The following PSMA5 variants were observed in gnomAD, a reference collection of about 807,000 sequenced individuals.
The protein encoded by PSMA5 is proteasome subunit alpha type-5.
A neutral mutation model predicts 34.5 loss-of-function variants in PSMA5; 3 were observed. That is an observed-to-expected ratio of 0.09 (90% CI 0.04 to 0.22). PSMA5 has a LOEUF of 0.22. PSMA5 is among the 10% of genes least tolerant of loss of function. The pLI is 1.00. For missense variants in PSMA5, 120 were observed against 286.1 expected, an observed-to-expected ratio of 0.42 and a Z score of 4.19; for synonymous variants, 88 against 95.8, an observed-to-expected ratio of 0.92 and a Z score of 0.47.
chr1:109,404,169 C>T (rs1031183819), intron 8 of PSMA5, among the ~76,000 whole-genome samples: 2 of 151,968 alleles, frequency 1.3e-5, no homozygotes, highest in African/African-American at 2.4e-5. Context: ...ACTAAAAATA[C>T]AATAATTAGT....
At chr1:109,419,748 G>C (rs1309375682) in intron 2 of PSMA5, among the ~76,000 whole-genome samples, 1 of 145,898 alleles carries the variant, frequency 6.9e-6, no homozygotes, top group Non-Finnish European at 1.5e-5. Context: ...GCAGTGGGCT[G>C]AGATAGCGCC....
intron 2 of PSMA5, among the ~76,000 whole-genome samples, chr1:109,418,737 G>C (rs1415397869): frequency 6.6e-6 from 1 of 152,076 alleles, no homozygotes; most frequent in South Asian, 2.1e-4. Context: ...GAGCAACAAT[G>C]TCCACAAGGA....
Position 109,401,047 on chromosome 1 carries a change from C to G in PSMA5, c.*966G>C, listed in dbSNP as rs996611799. ...ATTCTTCATCTGTTAAGTAGTGATA[C>G]TGATACCATCTTCCCGTGGTAATTT... On this transcript the variant is annotated 3_prime_UTR_variant, in exon 9 of 9. Transcript: ENST00000271308. 6.6e-6 allele frequency: 1 copy of G among 152,152 alleles called. No individual in the cohort carries two copies. Among genetic ancestry groups the G allele is most frequent in the African/African-American group, 2.4e-5 (1 of 41,438 alleles). 9.4% of individuals were successfully genotyped at this position (152,152 alleles called of 1,614,324 possible).
rs188975586 is a variant in PSMA5, at chr1:109,413,020, A to G, written c.291+48T>C. 4.1e-5 allele frequency: 62 copies of G among 1,507,126 alleles called. No individual in the cohort carries two copies. In the African/African-American group the frequency reaches 7.8e-4, roughly 19 times the overall value. The allele number at this position is 1,507,126 out of a possible 1,614,324, so 93.4% of individuals were successfully genotyped here. On this transcript the variant is annotated intron_variant, in intron 4 of 8. Transcript: ENST00000271308. Reference sequence around the variant, plus strand: ...GCCCAGGCAGCTAGATAATCACTAAACAAGGAACTCAAGCATCCTGGTAAA... The same window carrying G: ...GCCCAGGCAGCTAGATAATCACTAAGCAAGGAACTCAAGCATCCTGGTAAA...
At position 109,415,297 on chromosome 1, in the gene PSMA5, T is replaced by C; in HGVS notation, c.163A>G (p.Thr55Ala). The change falls in exon 3 of 9, where the codon ACT becomes GCT. Residue 55 changes from threonine to alanine, a missense_variant. By Grantham distance (58) the Thr-to-Ala change is moderately conservative (BLOSUM62 0). Around this residue, in one of 3 missense-constraint regions of PSMA5, gnomAD observed 20 missense variants for 19.4 expected, o/e 1.03. Coordinates refer to ENST00000271308, the MANE Select transcript of PSMA5 (RefSeq NM_002790.4). ...CTGCTGGGCTCCATCAGTGGGGAAG[T>C]AATTCTCTTCTCCACAGCTAGGCAC... is the stretch of plus-strand genomic sequence containing the variant. The part of the protein sequence containing the change: ...GVCLAVEKRI[T>A]SPLMEPSSIE... 6.2e-7 allele frequency: 1 copy of C among 1,613,964 alleles called. No homozygotes were observed. Among genetic ancestry groups the C allele is most frequent in the Non-Finnish European group, 8.5e-7 (1 of 1,179,854 alleles).
intron 5 of PSMA5, 35 bp from the exon 6 acceptor site, chr1:109,411,970 G>T: frequency 6.3e-7 from 1 of 1,595,218 alleles, no homozygotes; most frequent in Non-Finnish European, 8.6e-7. Context: ...TAAGATAAAT[G>T]GCTATAAAGT....
At chr1:109,403,490 G>C (rs1329844987) in intron 8 of PSMA5, among the ~76,000 whole-genome samples, 2 of 151,652 alleles carry the variant, frequency 1.3e-5, no homozygotes, top group East Asian at 1.9e-4. Flanking sequence ...AAACTAGCAG[G>C]GGGTGTAGCA....
chr1:109,409,860 G>C, intron 8 of PSMA5, 68 bp downstream of exon 8: 1 of 1,127,594 alleles, frequency 8.9e-7, no homozygotes. Flanking sequence ...ACCAGTCTAG[G>C]CAATATAGCC....
intron 2 of PSMA5, among the ~76,000 whole-genome samples, chr1:109,418,488 T>A (rs980907368): frequency 1.1e-4 from 16 of 152,194 alleles, no homozygotes; most frequent in Non-Finnish European, 2.2e-4. Context: ...ACTAATTTTT[T>A]AAATTTTTTG....
intron 3 of PSMA5, 58 bp from the exon 4 acceptor site, chr1:109,413,193 C>T: frequency 6.6e-7 from 1 of 1,513,646 alleles, no homozygotes; most frequent in East Asian, 2.3e-5. Flanking sequence ...CTCTTTCATC[C>T]ACTCAGGAAA....
chr1:109,407,393 CTCCCAAATG>C (rs1406069422), intron 8 of PSMA5, among the ~76,000 whole-genome samples: 1 of 152,178 alleles, frequency 6.6e-6, no homozygotes, highest in Non-Finnish European at 1.5e-5. Flanking sequence ...AGCGCAGTGG[CTCCCAAATG>C]TCAGTCCTTC....
rs772077978 is a variant in PSMA5 at position 109,413,089 on chromosome 1, A to T, written c.270T>A (p.Asp90Glu). The change falls in exon 4 of 9, where the codon GAT (aspartate) becomes GAA (glutamate). Residue 90 changes from aspartate (D) to glutamate (E), a missense_variant. Physicochemically the swap from Asp to Glu is conservative, Grantham distance 45. This residue lies in a region of PSMA5 where 83 missense variants were observed against 203.2 expected (regional missense o/e 0.41). Coordinates refer to ENST00000271308, the MANE Select transcript of PSMA5 (RefSeq NM_002790.4). Reference protein sequence around the residue: ...GLIADAKTLIDKARVETQNHW... With the variant: ...GLIADAKTLIEKARVETQNHW... ...TTACCTGTGTCTCCACTCTGGCTTT[A>T]TCAATTAAAGTCTTAGCATCAGCAA... 6.2e-7 allele frequency: 1 copy of T among 1,613,950 alleles called. No homozygotes were observed. The highest frequency in any genetic ancestry group is 1.1e-5 in the South Asian group (1 of 91,068).
At chr1:109,409,332 T>C (rs1274186869) in intron 8 of PSMA5, among the ~76,000 whole-genome samples, 1 of 152,176 alleles carries the variant, frequency 6.6e-6, no homozygotes, top group African/African-American at 2.4e-5. Context: ...AGTATTTGTA[T>C]TTTTGGTAGA....
chr1:109,413,739 A>T (rs1263352229), intron 3 of PSMA5, among the ~76,000 whole-genome samples: 1 of 152,176 alleles, frequency 6.6e-6, no homozygotes, highest in Admixed American at 6.5e-5. Context: ...CTTCCTTAAT[A>T]TATCTACTTG....
At chr1:109,407,366 T>C (rs1314691631) in intron 8 of PSMA5, among the ~76,000 whole-genome samples, 2 of 152,120 alleles carry the variant, frequency 1.3e-5, no homozygotes, top group African/African-American at 2.4e-5. Flanking sequence ...ACTAAGAACT[T>C]AAAGCAGATG....
At chr1:109,421,999 G>A (rs1571031901) in intron 1 of PSMA5, 73 bp from the exon 2 acceptor site, 2 of 904,466 alleles carry the variant, frequency 2.2e-6, no homozygotes, top group East Asian at 3.2e-5. Context: ...CAAGTTCCTT[G>A]ACAACTAGCT....
At chr1:109,407,971 T>G (rs1653847721) in intron 8 of PSMA5, among the ~76,000 whole-genome samples, 1 of 152,150 alleles carries the variant, frequency 6.6e-6, no homozygotes, top group African/African-American at 2.4e-5. Flanking sequence ...TACTCTTCCC[T>G]GTCTTCTCAT....
chr1:109,411,073 C>A lies in PSMA5; in HGVS notation c.499G>T (p.Ala167Ser). 1 of 1,613,684 alleles carries A rather than the reference C, an allele frequency of 6.2e-7. No homozygotes were observed. Among genetic ancestry groups the A allele is most frequent in the East Asian group, 2.2e-5 (1 of 44,870 alleles). ...TCTGAAGCAGAGCCAATTGCTCGAG[C>A]ATCACACTGTACAAAGGTCCCAGAT... ...DPSGTFVQCD[A>S]RAIGSASEGA... Residue 167 changes from alanine (A) to serine (S), a missense_variant, in exon 7 of 9, where the codon GCT becomes TCT. Ala to Ser is a moderately conservative substitution (Grantham distance 99). Around this residue, in one of 3 missense-constraint regions of PSMA5, gnomAD observed 83 missense variants for 203.2 expected, o/e 0.41. Transcript: ENST00000271308.
chr1:109,426,033 C>T, intron 1 of PSMA5: 1 of 569,354 alleles, frequency 1.8e-6, no homozygotes, highest in Non-Finnish European at 3.2e-6. Flanking sequence ...GTTCCGGCTC[C>T]TCACGCCTTC....
Sources: gnomAD v4.1 joint callset for allele counts (sites outside exome capture counted in the v4.1 genomes callset) on GRCh38, gnomAD v4.1.1 for gene constraint, gnomAD v4.1.1 regional missense constraint, MANE v1.5 for transcripts, NCBI Gene and HGNC (gene_info 2026-07-23, HGNC 2026-07-21) for gene names.